The following EEA1 variants were observed in gnomAD, a reference collection of about 807,000 sequenced individuals.
The protein encoded by EEA1 is early endosome antigen 1, 162kD.
EEA1 carries 111 observed loss-of-function variants against 209.2 expected under a neutral mutation model. That is an observed-to-expected ratio of 0.53 (90% CI 0.45 to 0.62). EEA1 has a LOEUF of 0.62. EEA1 is among the 20% of genes least tolerant of loss of function. The pLI is 0.00. For synonymous variants in EEA1, 536 were observed against 540.6 expected (o/e 0.99, Z 0.12); for missense variants, 1,343 against 1,530.8 (o/e 0.88, Z 2.05).
chr12:92,831,626 T>C (rs1258797668), intron 11 of EEA1, among the ~76,000 whole-genome samples: 1 of 146,852 alleles, frequency 6.8e-6, no homozygotes, highest in Non-Finnish European at 1.5e-5. Flanking sequence ...ATAATATATA[T>C]TTCATAAATA....
chr12:92,812,189 C>T (rs1334614832), intron 16 of EEA1, among the ~76,000 whole-genome samples: 1 of 151,936 alleles, frequency 6.6e-6, no homozygotes, highest in Non-Finnish European at 1.5e-5. Context: ...ATTAGCCAGG[C>T]ACGGTGGCAC....
At chr12:92,915,008 T>C (rs1320863755) in intron 1 of EEA1, among the ~76,000 whole-genome samples, 3 of 152,092 alleles carry the variant, frequency 2.0e-5, no homozygotes, top group African/African-American at 7.2e-5. Context: ...GAAATTCCCA[T>C]TTGTAAAGTG....
intron 9 of EEA1, among the ~76,000 whole-genome samples, chr12:92,843,127 G>A (rs577353825): frequency 4.6e-5 from 7 of 152,222 alleles, no homozygotes; most frequent in African/African-American, 9.6e-5. Context: ...AGGTATAACC[G>A]TCAGGCATGA....
rs1881330479 is a variant in EEA1, at chr12:92,929,120, C to T, written c.-54G>A. ...GTGACTCTCCAGACCCTGCGCGGGG[C>T]CACTCACTACTCGGGGTGCGCGGGC... is the stretch of plus-strand genomic sequence containing the variant. On this transcript the variant is annotated 5_prime_UTR_variant, in exon 1 of 29. Transcript: ENST00000322349. 2 of 1,547,718 alleles carry T rather than the reference C, an allele frequency of 1.3e-6. No homozygotes were observed. The highest frequency in any genetic ancestry group is 1.7e-6 in the Non-Finnish European group (2 of 1,144,618).
intron 1 of EEA1, 113 bp downstream of exon 1, chr12:92,928,930 T>G: frequency 9.0e-7 from 1 of 1,110,464 alleles, no homozygotes; most frequent in East Asian, 3.6e-5. Context: ...CCTGCCGGGC[T>G]GTGGGGCCTA....
At chr12:92,781,818 A>G (rs1306847558) in intron 23 of EEA1, 132 bp downstream of exon 23, 4 of 699,222 alleles carry the variant, frequency 5.7e-6, no homozygotes, top group East Asian at 2.9e-5. Context: ...AAAGTGTCAG[A>G]AACTAGAGGT....
At position 92,850,689 on chromosome 12, in the gene EEA1, C is replaced by CAA. The variant is rs11323932; in HGVS notation, c.798+420_798+421dup. Among the ~76,000 whole-genome samples, 452 of 46,914 alleles carry CAA rather than the reference C, an allele frequency of 9.6e-3. 38 individuals carry two copies. The highest frequency in any genetic ancestry group is 0.023 in the African/African-American group (257 of 11,304). The allele number at this position is 46,914 out of a possible 152,430, so 30.8% of individuals were successfully genotyped here. A position where few individuals can be genotyped will look rare whatever the true frequency, so the allele number is the denominator to read the frequency against. On this transcript the variant is annotated intron_variant, in intron 9 of 28. Coordinates refer to ENST00000322349, the MANE Select transcript of EEA1 (RefSeq NM_003566.4). ...TGGGTGACAGAGCAAGACTTTGTCTCAAAAAAAAAAAAAAAAAAAAAAAAA... is the reference window on the plus strand; with the variant it reads ...TGGGTGACAGAGCAAGACTTTGTCTCAAAAAAAAAAAAAAAAAAAAAAAAAAA...
At chr12:92,800,046 A>C (rs2136665364) in intron 20 of EEA1, among the ~76,000 whole-genome samples, 1 of 151,992 alleles carries the variant, frequency 6.6e-6, no homozygotes, top group South Asian at 2.1e-4. Flanking sequence ...AACATGGTGA[A>C]GCCTGTCTCT....
intron 12 of EEA1, among the ~76,000 whole-genome samples, chr12:92,827,388 TTAAAAA>T (rs1347675587): frequency 6.6e-6 from 1 of 152,128 alleles, no homozygotes; most frequent in Non-Finnish European, 1.5e-5. Flanking sequence ...AATTAAAAAC[TTAAAAA>T]TAAAAAAGTG....
In EEA1 at chr12:92,842,478, G is replaced by A; in HGVS notation, c.902C>T (p.Thr301Ile). 6.4e-7 allele frequency: 1 copy of A among 1,564,168 alleles called. No individual in the cohort carries two copies. The highest frequency in any genetic ancestry group is 1.1e-5 in the South Asian group (1 of 87,176). The change falls in exon 10 of 29, where the codon ACA (threonine) becomes ATA (isoleucine). Residue 301 changes from threonine (T) to isoleucine (I), a missense_variant. By Grantham distance (89) the Thr-to-Ile change is moderately conservative (BLOSUM62 -1). Coordinates refer to ENST00000322349, the MANE Select transcript of EEA1 (RefSeq NM_003566.4). Reference sequence around the variant, plus strand: ...TAAAATTCTCACCTGATTTTTTTGTGTTAATTCATTAACTGAACTTTTCAG... The same window carrying A: ...TAAAATTCTCACCTGATTTTTTTGTATTAATTCATTAACTGAACTTTTCAG... ...QKLKSSVNEL[T>I]QKNQTLTENL...
At chr12:92,796,288 T>C (rs1399109843) in intron 21 of EEA1, among the ~76,000 whole-genome samples, 1 of 152,122 alleles carries the variant, frequency 6.6e-6, no homozygotes, top group Non-Finnish European at 1.5e-5. Context: ...CTTTCTTGAT[T>C]CTAGATCAGT....
chr12:92,839,714 T>C (rs1456634371), intron 10 of EEA1, among the ~76,000 whole-genome samples: 4 of 152,238 alleles, frequency 2.6e-5, no homozygotes, highest in Non-Finnish European at 5.9e-5. Flanking sequence ...ATTTTTAAAT[T>C]ACTTTTAAAT....
intron 2 of EEA1, among the ~76,000 whole-genome samples, chr12:92,881,176 G>T (rs1879122340): frequency 6.6e-6 from 1 of 152,168 alleles, no homozygotes; most frequent in African/African-American, 2.4e-5. Flanking sequence ...AGCCGAGGCG[G>T]GTGGACTGTT....
intron 13 of EEA1, among the ~76,000 whole-genome samples, chr12:92,820,699 C>T (rs1041470462): frequency 4.6e-5 from 7 of 151,838 alleles, no homozygotes; most frequent in African/African-American, 1.7e-4. Context: ...CACCATGGTA[C>T]ATGTGTAACT....
chr12:92,872,868 G>C (rs1878715147), intron 2 of EEA1, among the ~76,000 whole-genome samples: 1 of 152,156 alleles, frequency 6.6e-6, no homozygotes, highest in Non-Finnish European at 1.5e-5. Context: ...CCAGAGAATG[G>C]CTTGAACCCG....
At chr12:92,864,719 G>A in intron 3 of EEA1, 141 bp downstream of exon 3, 2 of 774,994 alleles carry the variant, frequency 2.6e-6, no homozygotes, top group South Asian at 5.4e-5. Flanking sequence ...CAATAGTGGA[G>A]GAAGGATATG....
intron 1 of EEA1, among the ~76,000 whole-genome samples, chr12:92,926,036 C>T (rs1881201272): frequency 6.7e-6 from 1 of 149,264 alleles, no homozygotes; most frequent in Non-Finnish European, 1.5e-5. Context: ...TCTTGTTGCT[C>T]AGGCTGGAGT....
intron 22 of EEA1, among the ~76,000 whole-genome samples, chr12:92,784,987 T>C (rs1160188523): frequency 6.7e-6 from 1 of 150,358 alleles, no homozygotes; most frequent in Non-Finnish European, 1.5e-5. Flanking sequence ...CCATGGTAGC[T>C]GTTGTTTTTG....
chr12:92,831,641 A>C (rs1005362301), intron 11 of EEA1, among the ~76,000 whole-genome samples: 1 of 147,450 alleles, frequency 6.8e-6, no homozygotes, highest in African/African-American at 2.5e-5. Context: ...TAAATATATA[A>C]ATATATAATA....
Sources: gnomAD v4.1 joint callset for allele counts (sites outside exome capture counted in the v4.1 genomes callset) on GRCh38, gnomAD v4.1.1 for gene constraint, MANE v1.5 for transcripts, NCBI Gene and HGNC (gene_info 2026-07-23, HGNC 2026-07-21) for gene names.